Variants in ABAT observed in about 807,000 individuals in gnomAD.
ABAT encodes 4-aminobutyrate aminotransferase.
A neutral mutation model predicts 64.6 loss-of-function variants in ABAT; 45 were observed. The ratio of observed to expected loss-of-function variants is 0.70; its 90% CI spans 0.55 to 0.89. The LOEUF (loss-of-function observed/expected upper bound fraction) is 0.89. ABAT is among the 40% of genes least tolerant of loss of function. ABAT has a pLI of 0.00. For synonymous variants in ABAT, 297 were observed against 250.5 expected (o/e 1.19, Z -1.75); for missense variants, 633 against 658.4 (o/e 0.96, Z 0.42).
intron 1 of ABAT, among the ~76,000 whole-genome samples, chr16:8,734,828 G>C (rs2058865120): frequency 6.6e-6 from 1 of 152,098 alleles, no homozygotes; most frequent in African/African-American, 2.4e-5. Flanking sequence ...TTTAAATGGT[G>C]TTCTGGGGAG....
chr16:8,686,560 C>G (rs887577279), intron 1 of ABAT, among the ~76,000 whole-genome samples: 6 of 152,304 alleles, frequency 3.9e-5, no homozygotes, highest in African/African-American at 1.4e-4. Flanking sequence ...TTGTCGCTCA[C>G]AACAGCCCTA....
chr16:8,723,444 C>T (rs945222548), intron 1 of ABAT, among the ~76,000 whole-genome samples: 2 of 152,154 alleles, frequency 1.3e-5, no homozygotes, highest in African/African-American at 4.8e-5. Context: ...TGGCAGCCTG[C>T]ATCTGGGGTT....
At chr16:8,738,181 C>T (rs1347427971) in intron 2 of ABAT, among the ~76,000 whole-genome samples, 1 of 151,422 alleles carries the variant, frequency 6.6e-6, no homozygotes, top group Non-Finnish European at 1.5e-5. Flanking sequence ...CTTAGCTGGG[C>T]ATGGTGACAT....
chr16:8,685,556 G>C (rs950759329), intron 1 of ABAT, among the ~76,000 whole-genome samples: 3 of 151,676 alleles, frequency 2.0e-5, no homozygotes, highest in African/African-American at 7.3e-5. Context: ...TGCGCCTGTA[G>C]TCCCAACTAC....
At chr16:8,773,683 TAACC>T (rs1165176468) in intron 12 of ABAT, among the ~76,000 whole-genome samples, 1 of 152,350 alleles carries the variant, frequency 6.6e-6, no homozygotes, top group African/African-American at 2.4e-5. Context: ...TTGTATCCAT[TAACC>T]AACCCCTATT....
chr16:8,756,755 C>T (rs954641359), intron 5 of ABAT, among the ~76,000 whole-genome samples: 20 of 152,216 alleles, frequency 1.3e-4, no homozygotes, highest in African/African-American at 4.6e-4. Flanking sequence ...TTCCCTGACC[C>T]ACTACTGATG....
At chr16:8,726,201 G>C (rs2058547947) in intron 1 of ABAT, among the ~76,000 whole-genome samples, 1 of 150,618 alleles carries the variant, frequency 6.6e-6, no homozygotes, top group Non-Finnish European at 1.5e-5. Flanking sequence ...TTGTGTGCCT[G>C]GCTTATTTCA....
intron 4 of ABAT, among the ~76,000 whole-genome samples, chr16:8,749,652 TC>T (rs1175782517): frequency 1.3e-5 from 2 of 151,856 alleles, no homozygotes; most frequent in African/African-American, 4.8e-5. Flanking sequence ...TGCCTCAGCT[TC>T]CCAAAGTGCT....
At chr16:8,710,730 G>GAGAGAGAA (rs59692246) in intron 1 of ABAT, among the ~76,000 whole-genome samples, 1 of 142,012 alleles carries the variant, frequency 7.0e-6, no homozygotes, top group African/African-American at 2.6e-5. Flanking sequence ...GAGAGAGAGA[G>GAGAGAGAA]GAAATAGGCT....
chr16:8,691,731 G>A (rs897680651), intron 1 of ABAT, among the ~76,000 whole-genome samples: 1 of 152,114 alleles, frequency 6.6e-6, no homozygotes, highest in South Asian at 2.1e-4. Flanking sequence ...GTGAGCCACC[G>A]CGCCCAGTGC....
intron 1 of ABAT, among the ~76,000 whole-genome samples, chr16:8,683,991 A>C (rs547892888): frequency 1.3e-5 from 2 of 152,162 alleles, no homozygotes; most frequent in South Asian, 4.2e-4. Context: ...ATGGAGGGAG[A>C]GACAAAGACT....
intron 1 of ABAT, among the ~76,000 whole-genome samples, chr16:8,698,838 C>G (rs1329867036): frequency 6.6e-6 from 1 of 152,042 alleles, no homozygotes; most frequent in Non-Finnish European, 1.5e-5. Context: ...CCCAGCTACT[C>G]GAGAGGCTGA....
chr16:8,754,604 C>T (rs1000085656), intron 5 of ABAT, among the ~76,000 whole-genome samples: 7 of 152,162 alleles, frequency 4.6e-5, no homozygotes, highest in Non-Finnish European at 1.0e-4. Flanking sequence ...CAACAGATTT[C>T]AGCTCGTTTC....
At chr16:8,730,044 G>A (rs764866393) in intron 1 of ABAT, among the ~76,000 whole-genome samples, 3 of 152,096 alleles carry the variant, frequency 2.0e-5, no homozygotes, top group Non-Finnish European at 2.9e-5. Flanking sequence ...CACCCCACCC[G>A]TGATAGTACC....
At chr16:8,734,444 G>C (rs1255560504) in intron 1 of ABAT, among the ~76,000 whole-genome samples, 1 of 152,144 alleles carries the variant, frequency 6.6e-6, no homozygotes, top group African/African-American at 2.4e-5. Flanking sequence ...GCTAAGTGTT[G>C]CGTGACTGTG....
intron 1 of ABAT, among the ~76,000 whole-genome samples, chr16:8,704,842 T>TA (rs1002045229): frequency 3.9e-4 from 60 of 152,012 alleles, no homozygotes; most frequent in African/African-American, 1.2e-3. Flanking sequence ...GCTTCTTTTT[T>TA]AAAAAAAAAT....
chr16:8,707,294 C>T (rs1257942633), intron 1 of ABAT, among the ~76,000 whole-genome samples: 3 of 151,862 alleles, frequency 2.0e-5, no homozygotes, highest in Admixed American at 6.6e-5. Context: ...TCAAGCCATC[C>T]TCCCACCTCA....
At chr16:8,726,777 A>G (rs960474126) in intron 1 of ABAT, among the ~76,000 whole-genome samples, 3 of 152,152 alleles carry the variant, frequency 2.0e-5, no homozygotes, top group African/African-American at 7.2e-5. Context: ...ACTGTTCTCC[A>G]TAGTGGTTGT....
At chr16:8,707,858 C>A (rs1300543182) in intron 1 of ABAT, among the ~76,000 whole-genome samples, 1 of 152,130 alleles carries the variant, frequency 6.6e-6, no homozygotes, top group Non-Finnish European at 1.5e-5. Flanking sequence ...GAGTGAGCCA[C>A]TGCACCCGGC....
Sources: allele counts gnomAD v4.1 joint callset (sites outside exome capture counted in the v4.1 genomes callset), GRCh38; gene constraint gnomAD v4.1.1; transcripts MANE v1.5; gene names NCBI Gene and HGNC (gene_info 2026-07-23, HGNC 2026-07-21).